Variants in CD46 observed in about 807,000 individuals in gnomAD.
CD46 encodes the protein membrane cofactor protein.
In CD46, 30 loss-of-function variants were observed where a neutral mutation model predicts 53.3. That is an observed-to-expected ratio of 0.56 (90% confidence interval 0.42 to 0.76). CD46 has a LOEUF of 0.76. CD46 is among the 30% of genes least tolerant of loss of function. The probability of loss-of-function intolerance (pLI) is 0.00; values close to 1 mark genes in which losing one functional copy is unlikely to be tolerated. For synonymous variants in CD46, 142 were observed against 152.0 expected, an observed-to-expected ratio of 0.93 and a Z score of 0.48; for missense variants, 409 against 463.0, an observed-to-expected ratio of 0.88 and a Z score of 1.07.
chr1:207,770,443 G>A (rs1296822321), intron 8 of CD46, 81 bp downstream of exon 8: 3 of 993,704 alleles, frequency 3.0e-6, no homozygotes, highest in Non-Finnish European at 4.7e-6. Context: ...TAGGGTATGT[G>A]TGCACAGCGT....
chr1:207,771,351 G>A lies in CD46; in HGVS notation c.943+989G>A, dbSNP rs531721696. Among the ~76,000 whole-genome samples, 27 of 152,236 alleles carry A rather than the reference G, an allele frequency of 1.8e-4. No homozygotes were observed. In the East Asian group the frequency reaches 5.2e-3, roughly 29 times the overall value. ...TTTTCTCCCATTCTGTACGTTGCCT[G>A]TTCACTCTGATGATAGTTTCTTTTG... On this transcript the variant is annotated intron_variant, in intron 8 of 12. Coordinates refer to ENST00000367042, the MANE Select transcript of CD46 (RefSeq NM_172351.3).
rs564401685 is a variant in CD46, at chr1:207,784,842, C to T, written c.983-229C>T. On this transcript the variant is annotated intron_variant, in intron 9 of 12. Transcript: ENST00000367042. Reference sequence around the variant, plus strand: ...AGCCGCTTATAAAACCATCAGATCTCGTGAGAACTTACTATCATGAGAATA... The same window carrying T: ...AGCCGCTTATAAAACCATCAGATCTTGTGAGAACTTACTATCATGAGAATA... 5.3e-5 allele frequency among the ~76,000 whole-genome samples: 8 copies of T among 152,262 alleles called. No individual in the cohort carries two copies. The East Asian group carries it at 7.7e-4, about 15-fold the overall frequency.
At chr1:207,760,948 C>G in intron 4 of CD46, 1 of 376,250 alleles carries the variant, frequency 2.7e-6, no homozygotes, top group East Asian at 6.3e-5. Context: ...CCCACCAGGC[C>G]CCACCTCCAA....
rs41317821 is a variant in CD46 at position 207,767,440 on chromosome 1, A to G, written c.856+245A>G. The G allele has an allele frequency of 1.0e-3, 758 of 730,618 alleles. 5 individuals carry two copies. The African/African-American group carries it at 0.011, about 11-fold the overall frequency. The allele number at this position is 730,618 out of a possible 1,614,324, so 45.3% of individuals were successfully genotyped here. A position where few individuals can be genotyped will look rare whatever the true frequency, so the allele number is the denominator to read the frequency against. On this transcript the variant is annotated intron_variant, in intron 6 of 12. Coordinates refer to ENST00000367042, the MANE Select transcript of CD46 (RefSeq NM_172351.3). ...AGCACGTTATGTACATTGCATGGGTATATGCTTTTAATATTTTTATGTATA... is the reference window on the plus strand; with the variant it reads ...AGCACGTTATGTACATTGCATGGGTGTATGCTTTTAATATTTTTATGTATA...
chr1:207,762,133 A>G (rs1412348968), intron 5 of CD46, among the ~76,000 whole-genome samples: 1 of 152,232 alleles, frequency 6.6e-6, no homozygotes, highest in Non-Finnish European at 1.5e-5. Flanking sequence ...TCCCCAAAGA[A>G]TTGGAAAGTG....
chr1:207,760,389 A>G (rs1558048606), intron 4 of CD46: 1 of 152,218 alleles, frequency 6.6e-6, no homozygotes, highest in Non-Finnish European at 1.5e-5. Flanking sequence ...AAATATCACT[A>G]TATTCTTATT....
intron 3 of CD46, among the ~76,000 whole-genome samples, chr1:207,758,904 A>C (rs1162337340): frequency 6.6e-6 from 1 of 152,210 alleles, no homozygotes; most frequent in Non-Finnish European, 1.5e-5. Flanking sequence ...TAAAAGCAAA[A>C]TACTAAATGA....
chr1:207,775,648 A>T (rs1658015247), intron 8 of CD46, among the ~76,000 whole-genome samples: 1 of 152,164 alleles, frequency 6.6e-6, no homozygotes, highest in Admixed American at 6.5e-5. Context: ...AGTTTGCTGG[A>T]GGTCCACTCC....
At chr1:207,791,779 T>G (rs1659822835) in intron 12 of CD46, among the ~76,000 whole-genome samples, 1 of 152,220 alleles carries the variant, frequency 6.6e-6, no homozygotes, top group African/African-American at 2.4e-5. Context: ...TCTCTGAGCT[T>G]CAGGGTATCT....
chr1:207,759,966 G>C, intron 4 of CD46: 1 of 353,364 alleles, frequency 2.8e-6, no homozygotes, highest in Non-Finnish European at 5.0e-6. Context: ...AGGCTGGGGT[G>C]CAGTGGCACA....
intron 8 of CD46, among the ~76,000 whole-genome samples, chr1:207,772,935 C>G (rs1466023579): frequency 6.6e-6 from 1 of 152,184 alleles, no homozygotes; most frequent in Non-Finnish European, 1.5e-5. Context: ...AGGGAGGATT[C>G]CCTCTTTTTC....
chr1:207,791,227 G>T (rs1462959345), intron 12 of CD46, among the ~76,000 whole-genome samples: 1 of 152,194 alleles, frequency 6.6e-6, no homozygotes, highest in Non-Finnish European at 1.5e-5. Flanking sequence ...TCTAGTGGTT[G>T]CCTGAAACCT....
At chr1:207,762,129 A>G (rs1656285373) in intron 5 of CD46, among the ~76,000 whole-genome samples, 1 of 152,214 alleles carries the variant, frequency 6.6e-6, no homozygotes, top group South Asian at 2.1e-4. Flanking sequence ...CCAATCCCCA[A>G]AGAATTGGAA....
At chr1:207,787,075 G>GT (rs1420567210) in intron 11 of CD46, among the ~76,000 whole-genome samples, 8 of 152,088 alleles carry the variant, frequency 5.3e-5, no homozygotes, top group Non-Finnish European at 8.8e-5. Context: ...TTCTGTTGTT[G>GT]TTTTTTGCTT....
Position 207,757,605 on chromosome 1 carries a change from G to A in CD46, c.352G>A (p.Glu118Lys), listed in dbSNP as rs1655709214. 8 of 1,611,264 alleles carry A rather than the reference G, an allele frequency of 5.0e-6. No individual in the cohort carries two copies. The highest frequency in any genetic ancestry group is 2.2e-5 in the South Asian group (2 of 90,718). ...GQAVPANGTYEFGYQMHFICN... is the reference protein window; with the variant it reads ...GQAVPANGTYKFGYQMHFICN... ...AGCAGTCCCTGCAAATGGGACTTAC[G>A]AGTTTGGTTATCAGATGCACTTTAT... Residue 118 changes from glutamate to lysine, a missense_variant, in exon 3 of 13, where the codon GAG becomes AAG. Coordinates refer to ENST00000367042, the MANE Select transcript of CD46 (RefSeq NM_172351.3).
At chr1:207,772,748 G>T (rs60274832) in intron 8 of CD46, among the ~76,000 whole-genome samples, 6,426 of 152,256 alleles carry the variant, frequency 0.042, 485 homozygotes, top group African/African-American at 0.15. Context: ...CAGGGATGAA[G>T]CCAACTTGAT....
At chr1:207,768,872 C>T (rs1051174810) in intron 7 of CD46, 4 of 152,184 alleles carry the variant, frequency 2.6e-5, no homozygotes, top group African/African-American at 9.7e-5. Flanking sequence ...ACTGAAATCT[C>T]AATCACTGGC....
intron 1 of CD46, among the ~76,000 whole-genome samples, chr1:207,755,674 A>C (rs906966503): frequency 5.9e-5 from 9 of 152,208 alleles, no homozygotes; most frequent in African/African-American, 2.2e-4. Flanking sequence ...AAGCACTTAC[A>C]CAGTAGCGTC....
At chr1:207,772,574 A>G (rs1657633861) in intron 8 of CD46, among the ~76,000 whole-genome samples, 4 of 152,184 alleles carry the variant, frequency 2.6e-5, no homozygotes, top group Non-Finnish European at 5.9e-5. Flanking sequence ...GATATATTCC[A>G]TCAATACCTA....
Sources: gnomAD v4.1 joint callset for allele counts (sites outside exome capture counted in the v4.1 genomes callset) on GRCh38, gnomAD v4.1.1 for gene constraint, MANE v1.5 for transcripts, NCBI Gene and HGNC (gene_info 2026-07-23, HGNC 2026-07-21) for gene names.